KCNAB2: variants seen among roughly 807,000 people sequenced by gnomAD.
KCNAB2 encodes the protein potassium voltage-gated channel subfamily A regulatory beta subunit 2, also known as voltage-gated potassium channel subunit beta-2.
Under a neutral mutation model 63.6 loss-of-function variants are expected in KCNAB2, and 29 were observed. The ratio of observed to expected loss-of-function variants is 0.46; its 90% CI spans 0.34 to 0.62. The LOEUF is 0.62. KCNAB2 is among the 20% of genes least tolerant of loss of function. KCNAB2 has a pLI of 0.01. For missense variants in KCNAB2, 359 were observed against 563.9 expected, an observed-to-expected ratio of 0.64 and a Z score of 3.68; for synonymous variants, 222 against 224.2, an observed-to-expected ratio of 0.99 and a Z score of 0.09.
chr1:5,993,894 C>G (rs571611625), intron 1 of KCNAB2, among the ~76,000 whole-genome samples: 1 of 152,292 alleles, frequency 6.6e-6, no homozygotes, highest in South Asian at 2.1e-4. Context: ...GCAGGGCCAC[C>G]TTAGGAACCA....
At chr1:5,999,249 T>C (rs1486700476) in intron 1 of KCNAB2, among the ~76,000 whole-genome samples, 1 of 152,134 alleles carries the variant, frequency 6.6e-6, no homozygotes, top group African/African-American at 2.4e-5. Flanking sequence ...GGGCCGAGGG[T>C]CCTGAGATAT....
In KCNAB2 at chr1:6,073,172, T is replaced by C. The variant is rs559604084; in HGVS notation, c.262+374T>C. Among the ~76,000 whole-genome samples the C allele has an allele frequency of 4.4e-4, 67 of 152,252 alleles. 1 individual carries two copies. Among genetic ancestry groups the C allele is most frequent in the Non-Finnish European group, 7.2e-4 (49 of 68,022 alleles). ...CTCGTGAGTCCCTCCTGGAGCGCCA[T>C]TGGATTTGGCCCTTTTTCCTCTCCT... On this transcript the variant is annotated intron_variant, in intron 3 of 15. Transcript: ENST00000378083. This position sits in a 1 kb window ranked among gnomAD's most constrained non-coding sequence, Gnocchi z 5.7.
chr1:6,021,908 G>T (rs527247398), intron 1 of KCNAB2, among the ~76,000 whole-genome samples: 1 of 146,984 alleles, frequency 6.8e-6, no homozygotes, highest in African/African-American at 2.5e-5. Context: ...TGGTATTGAG[G>T]GTAAAGTGCA....
chr1:6,059,368 T>G (rs1337840985), intron 2 of KCNAB2, among the ~76,000 whole-genome samples: 1 of 152,042 alleles, frequency 6.6e-6, no homozygotes, highest in African/African-American at 2.4e-5. Context: ...TTTTTGTGCT[T>G]TTTGTAGAGA....
chr1:6,084,999 G>A (rs991485516), intron 5 of KCNAB2, among the ~76,000 whole-genome samples: 3 of 152,160 alleles, frequency 2.0e-5, no homozygotes, highest in Admixed American at 1.3e-4. Flanking sequence ...CCATCCTAGT[G>A]GGGGGCAATA....
upstream of KCNAB2, among the ~76,000 whole-genome samples, chr1:6,042,991 A>G (rs1660630841): frequency 1.3e-5 from 2 of 152,052 alleles, no homozygotes; most frequent in Non-Finnish European, 2.9e-5. Context: ...CTTAGATCCT[A>G]CTGAAATTTT....
chr1:6,050,938 C>T (rs904499231), intron 1 of KCNAB2, among the ~76,000 whole-genome samples: 2 of 152,252 alleles, frequency 1.3e-5, no homozygotes, highest in African/African-American at 4.8e-5. Context: ...CTTTACAAGG[C>T]TAAGAGCAAA....
intron 1 of KCNAB2, among the ~76,000 whole-genome samples, chr1:6,037,185 T>C (rs1373211958): frequency 6.6e-6 from 1 of 152,184 alleles, no homozygotes; most frequent in African/African-American, 2.4e-5. Context: ...CCACCCTATG[T>C]TCATGGAGCC....
chr1:6,054,204 T>C (rs1661619953), intron 2 of KCNAB2, among the ~76,000 whole-genome samples: 1 of 151,296 alleles, frequency 6.6e-6, no homozygotes, highest in South Asian at 2.1e-4. Flanking sequence ...TGATAGAGAG[T>C]GGAGTGACGG....
At chr1:6,094,536 G>C (rs566373883) in intron 11 of KCNAB2, 51 bp downstream of exon 11, 2 of 1,455,826 alleles carry the variant, frequency 1.4e-6, no homozygotes, top group Non-Finnish European at 1.9e-6. Flanking sequence ...TCCCGGCACC[G>C]GCTGCGTATG....
chr1:6,093,419 A>G (rs1332052472), intron 10 of KCNAB2, among the ~76,000 whole-genome samples: 1 of 152,224 alleles, frequency 6.6e-6, no homozygotes, highest in Non-Finnish European at 1.5e-5. Flanking sequence ...CAATATCCCC[A>G]TGAGGCTGAG....
At chr1:6,095,213 G>T (rs1401624117) in intron 11 of KCNAB2, 110 bp from the exon 12 acceptor site, 2 of 1,192,688 alleles carry the variant, frequency 1.7e-6, no homozygotes, top group Non-Finnish European at 2.4e-6. Flanking sequence ...GGCTGCAGCT[G>T]CTGGGCCAGC....
At chr1:6,004,246 A>G (rs1570822792) in intron 1 of KCNAB2, among the ~76,000 whole-genome samples, 1 of 148,906 alleles carries the variant, frequency 6.7e-6, no homozygotes, top group African/African-American at 2.5e-5. Context: ...TTTTTTTAAG[A>G]GACACGATCT....
chr1:6,010,379 G>C (rs1443285370), intron 1 of KCNAB2, among the ~76,000 whole-genome samples: 1 of 152,158 alleles, frequency 6.6e-6, no homozygotes, highest in East Asian at 1.9e-4. Context: ...AGGATCTCTT[G>C]AACCCGAGAG....
intron 1 of KCNAB2, among the ~76,000 whole-genome samples, chr1:6,004,984 AGGCAGAGATC>A (rs1557920962): frequency 1.5e-4 from 18 of 116,522 alleles, no homozygotes; most frequent in Non-Finnish European, 2.5e-4. Flanking sequence ...ATGAGGGTGC[AGGCAGAGATC>A]TGGGAGCTGA....
At position 5,994,729 on chromosome 1, in the gene KCNAB2, G is replaced by A. The variant is rs1049994875; in HGVS notation, c.-53+1941G>A. ...TGCACAGAAGCCATTGCACCCGGGA[G>A]GTGGGACGTGGGCCATGGCGCTAGA... On this transcript the variant is annotated intron_variant, in intron 1 of 16. Transcript: ENST00000341524. This position sits in a 1 kb window ranked among gnomAD's most constrained non-coding sequence, Gnocchi z 5.4. Among the ~76,000 whole-genome samples the A allele has an allele frequency of 1.3e-5, 2 of 152,214 alleles. No individual in the cohort carries two copies. The highest frequency in any genetic ancestry group is 4.8e-5 in the African/African-American group (2 of 41,448).
chr1:6,057,950 A>C (rs1213080576), intron 2 of KCNAB2, among the ~76,000 whole-genome samples: 1 of 152,170 alleles, frequency 6.6e-6, no homozygotes, highest in East Asian at 1.9e-4. Context: ...CAGGGGTTCA[A>C]GACCAGCCTG....
chr1:6,095,563 G>A lies in KCNAB2; in HGVS notation c.887G>A (p.Cys296Tyr). 6.2e-7 allele frequency: 1 copy of A among 1,613,402 alleles called. No homozygotes were observed. Among genetic ancestry groups the A allele is most frequent in the Non-Finnish European group, 8.5e-7 (1 of 1,179,996 alleles). The change falls in exon 13 of 16, where the codon TGT becomes TAT. Residue 296 changes from cysteine (C) to tyrosine (Y), a missense_variant. Cys to Tyr is a radical substitution (Grantham distance 194). Around this residue, in one of 2 missense-constraint regions of KCNAB2, gnomAD observed 271 missense variants for 476.1 expected, o/e 0.57. Transcript: ENST00000378083. The stretch of plus-strand genomic sequence containing the variant: ...GCCATGACCTGGTCCCCTCTGGCCT[G>A]TGGCATTGTTTCTGGCAAGTACGAC... The part of the protein sequence containing the change: ...VGAMTWSPLA[C>Y]GIVSGKYDSG...
At chr1:6,000,293 C>G (rs774893609) in intron 1 of KCNAB2, among the ~76,000 whole-genome samples, 8 of 152,232 alleles carry the variant, frequency 5.3e-5, no homozygotes, top group Non-Finnish European at 1.0e-4. Context: ...CATGTTGTCC[C>G]TTTGCTCCTA....
Sources: gnomAD v4.1 joint callset for allele counts (sites outside exome capture counted in the v4.1 genomes callset) on GRCh38, gnomAD v4.1.1 for gene constraint, gnomAD v4.1.1 regional missense constraint, Gnocchi (gnomAD v3.1) non-coding constraint, MANE v1.5 for transcripts, NCBI Gene and HGNC (gene_info 2026-07-23, HGNC 2026-07-21) for gene names.